Variants in COL19A1 observed in about 807,000 individuals in gnomAD.
COL19A1 encodes the protein collagen type XIX alpha 1 chain.
COL19A1 carries 159 observed loss-of-function variants against 190.2 expected under a neutral mutation model. The observed-to-expected ratio is 0.84, with a 90% CI of 0.73 to 0.95. The LOEUF is 0.95. COL19A1 is among the 40% of genes least tolerant of loss of function. COL19A1 has a pLI of 0.00. For missense variants in COL19A1, 1,418 were observed against 1,431.9 expected (o/e 0.99, Z 0.16); for synonymous variants, 509 against 458.9 (o/e 1.11, Z -1.39).
intron 11 of COL19A1, among the ~76,000 whole-genome samples, chr6:69,967,029 A>G (rs540645768): frequency 1.3e-5 from 2 of 152,324 alleles, no homozygotes; most frequent in East Asian, 1.9e-4. Flanking sequence ...TGATTATTTT[A>G]TGTTGTCACT....
intron 11 of COL19A1, among the ~76,000 whole-genome samples, chr6:69,977,812 TAAGA>T (rs1414239586): frequency 5.3e-5 from 8 of 152,104 alleles, no homozygotes; most frequent in East Asian, 3.9e-4. Flanking sequence ...TGTCCTTAAT[TAAGA>T]AAGAAAAGAA....
At chr6:70,076,771 T>C (rs962349096) in intron 15 of COL19A1, among the ~76,000 whole-genome samples, 2 of 152,208 alleles carry the variant, frequency 1.3e-5, no homozygotes, top group African/African-American at 4.8e-5. Context: ...TTATAAATAT[T>C]ACCTACTTAG....
At chr6:69,961,804 G>T (rs1196754797) in intron 10 of COL19A1, among the ~76,000 whole-genome samples, 1 of 151,350 alleles carries the variant, frequency 6.6e-6, no homozygotes, top group Non-Finnish European at 1.5e-5. Context: ...AATTATGTGG[G>T]TATATATATA....
At chr6:69,893,189 C>T (rs1165081720) in intron 2 of COL19A1, among the ~76,000 whole-genome samples, 2 of 152,166 alleles carry the variant, frequency 1.3e-5, no homozygotes, top group Admixed American at 6.5e-5. Flanking sequence ...GCTTGATATT[C>T]GTGAATGTTT....
At chr6:69,873,809 C>T (rs1561951954) in intron 1 of COL19A1, among the ~76,000 whole-genome samples, 2 of 152,068 alleles carry the variant, frequency 1.3e-5, no homozygotes, top group Non-Finnish European at 2.9e-5. Flanking sequence ...CAATATTCTC[C>T]ATAGCCTTCT....
Position 70,043,483 on chromosome 6 carries a change from C to T in COL19A1, c.1170+7544C>T, listed in dbSNP as rs1024322767. Among the ~76,000 whole-genome samples, 25 of 152,056 alleles carry T rather than the reference C, an allele frequency of 1.6e-4. 1 individual carries two copies. Among genetic ancestry groups the T allele is most frequent in the Middle Eastern group, 3.2e-3 (1 of 316 alleles). On this transcript the variant is annotated intron_variant, in intron 14 of 50. Transcript: ENST00000620364. Reference sequence around the variant, plus strand: ...CTGGGATTACAGGCGTGAGCCACCGCGCCCGGCCACAAAATGTATTTCTTA... The same window carrying T: ...CTGGGATTACAGGCGTGAGCCACCGTGCCCGGCCACAAAATGTATTTCTTA...
intron 42 of COL19A1, among the ~76,000 whole-genome samples, chr6:70,177,416 C>T (rs929751826): frequency 6.6e-6 from 1 of 152,026 alleles, no homozygotes; most frequent in African/African-American, 2.4e-5. Context: ...AAGCCCTGCT[C>T]ATCTCCCACT....
At chr6:69,879,403 A>G in intron 1 of COL19A1, 133 bp from the exon 2 acceptor site, 2 of 605,414 alleles carry the variant, frequency 3.3e-6, no homozygotes, top group Non-Finnish European at 5.9e-6. Flanking sequence ...CATTGCATAT[A>G]TAATCATATT....
At chr6:69,919,045 T>C (rs902308739) in intron 4 of COL19A1, among the ~76,000 whole-genome samples, 5 of 152,172 alleles carry the variant, frequency 3.3e-5, no homozygotes, top group African/African-American at 1.2e-4. Flanking sequence ...TCCCCTCCTT[T>C]TTGGAACTTT....
At chr6:70,139,697 T>A (rs926644151) in intron 19 of COL19A1, among the ~76,000 whole-genome samples, 1 of 152,062 alleles carries the variant, frequency 6.6e-6, no homozygotes, top group African/African-American at 2.4e-5. Flanking sequence ...TGATCCCGAA[T>A]GGTAACTAAA....
rs963664279 is a variant in COL19A1, at chr6:69,900,287, G to A, written c.215G>A (p.Ser72Asn). The A allele has an allele frequency of 1.5e-5, 24 of 1,596,290 alleles. No individual in the cohort carries two copies. The highest frequency in any genetic ancestry group is 2.0e-5 in the Non-Finnish European group (24 of 1,170,966). ...SFSLRRAFCESDKTCFKLGSA... is the reference protein window; with the variant it reads ...SFSLRRAFCENDKTCFKLGSA... ...TCTCTAAGACGTGCATTTTGTGAAA[G>A]TGATAAAACCTGTTTCAAATTGGGA... Residue 72 changes from serine to asparagine, a missense_variant, in exon 4 of 51, where the codon AGT (serine) becomes AAT (asparagine). Transcript: ENST00000620364.
At chr6:70,190,719 C>T (rs1766810937) in intron 48 of COL19A1, among the ~76,000 whole-genome samples, 1 of 152,154 alleles carries the variant, frequency 6.6e-6, no homozygotes, top group Non-Finnish European at 1.5e-5. Context: ...CTAGCTCCTC[C>T]ACTATTATCA....
chr6:70,009,597 T>A (rs937009667), intron 11 of COL19A1, among the ~76,000 whole-genome samples: 1 of 152,132 alleles, frequency 6.6e-6, no homozygotes, highest in African/African-American at 2.4e-5. Context: ...CAAATTTTTC[T>A]AGCCATCATG....
chr6:70,050,283 A>G (rs1780136609), intron 14 of COL19A1, among the ~76,000 whole-genome samples: 1 of 152,080 alleles, frequency 6.6e-6, no homozygotes, highest in Non-Finnish European at 1.5e-5. Context: ...TATCAATAGC[A>G]ATGAGCCTAA....
At chr6:70,182,881 T>A (rs1312685816) in intron 44 of COL19A1, among the ~76,000 whole-genome samples, 2 of 152,062 alleles carry the variant, frequency 1.3e-5, no homozygotes, top group Non-Finnish European at 2.9e-5. Flanking sequence ...TGGGAATTGG[T>A]CTTAACTAGG....
At chr6:69,978,906 A>T (rs1775878168) in intron 11 of COL19A1, among the ~76,000 whole-genome samples, 1 of 151,896 alleles carries the variant, frequency 6.6e-6, no homozygotes, top group African/African-American at 2.4e-5. Flanking sequence ...ATGACCACAG[A>T]TAGTAGATGG....
Position 70,211,706 on chromosome 6 carries a change from T to C in COL19A1, c.*4432T>C, listed in dbSNP as rs919426378. Among the ~76,000 whole-genome samples, 8 of 151,852 alleles carry C rather than the reference T, an allele frequency of 5.3e-5. No homozygotes were observed. The highest frequency in any genetic ancestry group is 5.3e-4 in the Admixed American group (8 of 15,214). On this transcript the variant is annotated 3_prime_UTR_variant, in exon 51 of 51. Coordinates refer to ENST00000620364, the MANE Select transcript of COL19A1 (RefSeq NM_001858.6). ...GGACAGATGAGTGTCATCATTTTTA[T>C]TGTGTGGCATACTTGGAGCTATAAT...
At chr6:69,977,085 A>C (rs1174984196) in intron 11 of COL19A1, among the ~76,000 whole-genome samples, 2 of 152,220 alleles carry the variant, frequency 1.3e-5, no homozygotes, top group African/African-American at 2.4e-5. Flanking sequence ...AGGATTATAA[A>C]TCATGCTGCT....
At chr6:69,951,274 C>T (rs1018959059) in intron 9 of COL19A1, among the ~76,000 whole-genome samples, 2 of 151,896 alleles carry the variant, frequency 1.3e-5, no homozygotes, top group Non-Finnish European at 2.9e-5. Flanking sequence ...TTTTATAAAA[C>T]AGGAATTATA....
Sources: gnomAD v4.1 joint callset for allele counts (sites outside exome capture counted in the v4.1 genomes callset) on GRCh38, gnomAD v4.1.1 for gene constraint, MANE v1.5 for transcripts, NCBI Gene and HGNC (gene_info 2026-07-23, HGNC 2026-07-21) for gene names.